PLEKHM1: variants seen among roughly 807,000 people sequenced by gnomAD.
PLEKHM1 encodes pleckstrin homology and RUN domain containing M1.
A neutral mutation model predicts 94.3 loss-of-function variants in PLEKHM1; 28 were observed. The ratio of observed to expected loss-of-function variants is 0.30; its 90% CI spans 0.22 to 0.41. PLEKHM1 has a LOEUF of 0.41. Among genes scored for constraint, PLEKHM1 ranks in the 10% least tolerant of loss-of-function variants. The pLI is 1.00. For synonymous variants in PLEKHM1, 424 were observed against 581.2 expected (o/e 0.73, Z 3.89); for missense variants, 907 against 1,358.6 (o/e 0.67, Z 5.22).
chr17:45,460,142 T>C (rs961939580), intron 5 of PLEKHM1: 1 of 152,166 alleles, frequency 6.6e-6, no homozygotes, highest in Non-Finnish European at 1.5e-5. Flanking sequence ...AGGAGTGACA[T>C]GTCTACAAGC....
At chr17:45,487,671 T>G in intron 1 of PLEKHM1, 1 of 455,922 alleles carries the variant, frequency 2.2e-6, no homozygotes, top group Non-Finnish European at 4.4e-6. Flanking sequence ...ATGTCCAATT[T>G]CACTTCCTCC....
chr17:45,451,815 C>G (rs902052917), intron 7 of PLEKHM1, among the ~76,000 whole-genome samples: 4 of 152,160 alleles, frequency 2.6e-5, no homozygotes, highest in Non-Finnish European at 4.4e-5. Context: ...GGCGAGGAAC[C>G]CTTTCTTGCA....
chr17:45,476,553 C>A (rs1345862459), intron 3 of PLEKHM1, among the ~76,000 whole-genome samples: 1 of 152,138 alleles, frequency 6.6e-6, no homozygotes, highest in Non-Finnish European at 1.5e-5. Context: ...TGGCCCCACA[C>A]CCAGCTGTGC....
downstream of PLEKHM1, among the ~76,000 whole-genome samples, chr17:45,435,055 A>G (rs1251344181): frequency 6.7e-6 from 1 of 150,296 alleles, no homozygotes; most frequent in Non-Finnish European, 1.5e-5. Flanking sequence ...GCCTGAACCC[A>G]CCGGCAGGGC....
chr17:45,440,414 G>T (rs2050413802), intron 9 of PLEKHM1, 188 bp from the exon 10 acceptor site: 1 of 666,658 alleles, frequency 1.5e-6, no homozygotes, highest in Admixed American at 2.2e-5. Context: ...TAACTAGCTG[G>T]TGGGACCTTG....
rs1309973703 is a variant in PLEKHM1, at chr17:45,439,783, A to T, written c.2902-149T>A. On this transcript the variant is annotated intron_variant, in intron 10 of 11. Transcript: ENST00000430334. Reference sequence around the variant, plus strand: ...TTCTACCCCCCGTTTCCACACGGGCAAGAAAAGAAAACCTCCCTGAATCAG... The same window carrying T: ...TTCTACCCCCCGTTTCCACACGGGCTAGAAAAGAAAACCTCCCTGAATCAG... 4.8e-6 allele frequency: 5 copies of T among 1,034,982 alleles called. No homozygotes were observed. In the East Asian group the frequency reaches 1.3e-4, roughly 26 times the overall value. The allele number at this position is 1,034,982 out of a possible 1,614,324, so 64.1% of individuals were successfully genotyped here.
rs2051861117 is a variant in PLEKHM1 at position 45,479,319 on chromosome 17, A to C, written c.49-1172T>G. 1.3e-5 allele frequency among the ~76,000 whole-genome samples: 2 copies of C among 152,154 alleles called. 1 individual carries two copies. Among genetic ancestry groups the C allele is most frequent in the South Asian group, 4.1e-4 (2 of 4,834 alleles). Reference sequence around the variant, plus strand: ...CGGATCACGAGGTCAGAAGATCGAGACCATCCTGGATAACAGGCTGAAACC... The same window carrying C: ...CGGATCACGAGGTCAGAAGATCGAGCCCATCCTGGATAACAGGCTGAAACC... On this transcript the variant is annotated intron_variant, in intron 2 of 11. Coordinates refer to ENST00000430334, the MANE Select transcript of PLEKHM1 (RefSeq NM_014798.3).
At chr17:45,458,462 T>A in intron 5 of PLEKHM1, 23 bp from the exon 6 acceptor site, 1 of 1,601,256 alleles carries the variant, frequency 6.2e-7, no homozygotes, top group Non-Finnish European at 8.6e-7. Flanking sequence ...AAGACAACAG[T>A]TGTTTGTTTT....
rs1271088097 is a variant in PLEKHM1 at position 45,437,375 on chromosome 17, G to C, written c.*483C>G. 6.6e-6 allele frequency: 3 copies of C among 454,276 alleles called. 1 individual carries two copies. The highest frequency in any genetic ancestry group is 3.1e-5 in the South Asian group (2 of 64,486). The allele number at this position is 454,276 out of a possible 1,614,324, so 28.1% of individuals were successfully genotyped here. On this transcript the variant is annotated 3_prime_UTR_variant, in exon 12 of 12. Transcript: ENST00000430334. The surrounding 1 kb of genome is among the most constrained non-coding windows in gnomAD (Gnocchi z 4.0). ...AGGCCTGAGTGGCTCCTGTGCATCC[G>C]CTGGGGGTGAGAATGTCTGGATTTC...
Position 45,453,168 on chromosome 17 carries a change from G to C in PLEKHM1, c.2497+187C>G. On this transcript the variant is annotated intron_variant, in intron 7 of 11. Coordinates refer to ENST00000430334, the MANE Select transcript of PLEKHM1 (RefSeq NM_014798.3). The surrounding 1 kb of genome is among the most constrained non-coding windows in gnomAD (Gnocchi z 4.1). ...AGCAGGGCCCACTGCCTATGAGCAG[G>C]GCACTGGCCCCAGCCGGGGCTGGGG... The C allele has an allele frequency of 1.5e-6, 1 of 649,022 alleles. No individual in the cohort carries two copies. The highest frequency in any genetic ancestry group is 2.8e-6 in the Non-Finnish European group (1 of 359,312). The allele number at this position is 649,022 out of a possible 1,614,324, so 40.2% of individuals were successfully genotyped here.
chr17:45,441,214 GATGCCCC>G (rs2050436646), intron 9 of PLEKHM1, among the ~76,000 whole-genome samples: 1 of 152,188 alleles, frequency 6.6e-6, no homozygotes, highest in South Asian at 2.1e-4. Flanking sequence ...CCTGCCCCAG[GATGCCCC>G]AGACATCTGG....
chr17:45,486,198 CAGAG>C (rs1324472217), intron 1 of PLEKHM1, among the ~76,000 whole-genome samples: 16 of 134,700 alleles, frequency 1.2e-4, no homozygotes, highest in Admixed American at 1.1e-3. Flanking sequence ...GCCTAGGCGA[CAGAG>C]AGAGACTCCG....
intron 1 of PLEKHM1, among the ~76,000 whole-genome samples, chr17:45,485,324 C>T (rs1292704591): frequency 2.0e-5 from 3 of 152,106 alleles, no homozygotes; most frequent in African/African-American, 7.2e-5. Flanking sequence ...TTCTCTGGCT[C>T]CGAAACCCTG....
intron 9 of PLEKHM1, among the ~76,000 whole-genome samples, chr17:45,442,752 A>G (rs2684641): frequency 0.15 from 22,650 of 150,962 alleles, 1,916 homozygotes; most frequent in Middle Eastern, 0.21. Flanking sequence ...TGACAGCCCT[A>G]TGCTCAAAAC....
At chr17:45,450,022 CACCT>C (rs988426702) in intron 8 of PLEKHM1, among the ~76,000 whole-genome samples, 1 of 151,816 alleles carries the variant, frequency 6.6e-6, no homozygotes, top group African/African-American at 2.4e-5. Flanking sequence ...TCTGCTCATC[CACCT>C]ACCTACCTAC....
chr17:45,435,133 G>A (rs961059281), downstream of PLEKHM1, among the ~76,000 whole-genome samples: 10 of 152,102 alleles, frequency 6.6e-5, no homozygotes, highest in African/African-American at 2.4e-4. Context: ...TCTTCTCCGG[G>A]CCTACCATCT....
chr17:45,436,414 A>T lies in PLEKHM1; in HGVS notation c.*1444T>A, dbSNP rs1348110382. On this transcript the variant is annotated 3_prime_UTR_variant, in exon 12 of 12. Coordinates refer to ENST00000430334, the MANE Select transcript of PLEKHM1 (RefSeq NM_014798.3). ...CCTCTGTTCTGCTGCACAGGCATCC[A>T]GCTCCAAGGCTGGGTGGGTGACTCA... 1.1e-5 allele frequency: 5 copies of T among 453,610 alleles called. No individual in the cohort carries two copies. Among genetic ancestry groups the T allele is most frequent in the African/African-American group, 8.0e-5 (4 of 49,998 alleles). The allele number at this position is 453,610 out of a possible 1,614,324, so 28.1% of individuals were successfully genotyped here.
chr17:45,458,445 G>C lies in PLEKHM1; in HGVS notation c.1309-6C>G. 6.2e-7 allele frequency: 1 copy of C among 1,608,734 alleles called. No homozygotes were observed. The highest frequency in any genetic ancestry group is 8.5e-7 in the Non-Finnish European group (1 of 1,175,244). On this transcript the variant is annotated splice_polypyrimidine_tract_variant and splice_region_variant and intron_variant, in intron 5 of 11. Transcript: ENST00000430334. ...GAGATCCAGCTCTTGTTTTTCTGTTGGGAAAGAAGACAACAGTTGTTTGTT... is the reference window on the plus strand; with the variant it reads ...GAGATCCAGCTCTTGTTTTTCTGTTCGGAAAGAAGACAACAGTTGTTTGTT...
chr17:45,436,026 A>G lies in PLEKHM1; in HGVS notation c.*1832T>C. On this transcript the variant is annotated 3_prime_UTR_variant, in exon 12 of 12. Transcript: ENST00000430334. ...CACTAGGAACAGTGTATTGCATAAA[A>G]TAACATTTTAAAAATAGTGTGGGCA... 1 of 456,684 alleles carries G rather than the reference A, an allele frequency of 2.2e-6. No individual in the cohort carries two copies. Among genetic ancestry groups the G allele is most frequent in the South Asian group, 1.5e-5 (1 of 64,578 alleles). 28.3% of individuals were successfully genotyped at this position (456,684 alleles called of 1,614,324 possible). A position where few individuals can be genotyped will look rare whatever the true frequency, so the allele number is the denominator to read the frequency against.
Sources: allele counts gnomAD v4.1 joint callset (sites outside exome capture counted in the v4.1 genomes callset), GRCh38; gene constraint gnomAD v4.1.1; non-coding constraint Gnocchi (gnomAD v3.1); transcripts MANE v1.5; gene names NCBI Gene and HGNC (gene_info 2026-07-23, HGNC 2026-07-21).